The following RALGAPA2 variants were observed in gnomAD, a reference collection of about 807,000 sequenced individuals.
RALGAPA2 encodes the protein ral GTPase-activating protein subunit alpha-2.
RALGAPA2 carries 139 observed loss-of-function variants against 230.4 expected under a neutral mutation model. The observed-to-expected ratio is 0.60, with a 90% CI of 0.53 to 0.69. The LOEUF (loss-of-function observed/expected upper bound fraction) is 0.69. RALGAPA2 is among the 30% of genes least tolerant of loss of function. The pLI, the probability that RALGAPA2 is intolerant of heterozygous loss-of-function variation, is 0.00. For synonymous variants in RALGAPA2, 847 were observed against 837.8 expected, an observed-to-expected ratio of 1.01 and a Z score of -0.19; for missense variants, 2,163 against 2,276.0, an observed-to-expected ratio of 0.95 and a Z score of 1.01.
At chr20:20,518,921 A>G (rs2062955092) in intron 31 of RALGAPA2, among the ~76,000 whole-genome samples, 1 of 152,244 alleles carries the variant, frequency 6.6e-6, no homozygotes, top group African/African-American at 2.4e-5. Flanking sequence ...AGTTGTTTCA[A>G]TTACTTAATA....
chr20:20,608,421 A>G (rs1193683259), intron 14 of RALGAPA2, among the ~76,000 whole-genome samples: 1 of 152,218 alleles, frequency 6.6e-6, no homozygotes, highest in Admixed American at 6.5e-5. Flanking sequence ...TATTTGGTAA[A>G]TATTTAAAAC....
At chr20:20,502,844 G>T (rs1019595829) in intron 35 of RALGAPA2, among the ~76,000 whole-genome samples, 1 of 152,184 alleles carries the variant, frequency 6.6e-6, no homozygotes, top group Non-Finnish European at 1.5e-5. Flanking sequence ...TTAACACAGG[G>T]TTGCCTGAGG....
Position 20,503,381 on chromosome 20 carries a change from C to G in RALGAPA2, c.5178G>C (p.Pro1726=). The G allele has an allele frequency of 6.2e-7, 1 of 1,601,134 alleles. No individual in the cohort carries two copies. Among genetic ancestry groups the G allele is most frequent in the South Asian group, 1.1e-5 (1 of 89,808 alleles). ...EVIFHVSTRM[P]SDSDDSLTKK... is the part of the protein sequence containing the mutation. ...TGGTGAGGGAATCATCTGAGTCTGACGGCATTCGAGTGGAAACATGGAAAA... is the reference window on the plus strand; with the variant it reads ...TGGTGAGGGAATCATCTGAGTCTGAGGGCATTCGAGTGGAAACATGGAAAA... Residue 1726 remains proline, a synonymous_variant, in exon 35 of 40, where the codon CCG becomes CCC. Transcript: ENST00000202677.
At chr20:20,578,169 T>A (rs73124429) in intron 20 of RALGAPA2, among the ~76,000 whole-genome samples, 2,005 of 152,254 alleles carry the variant, frequency 0.013, 18 homozygotes, top group Non-Finnish European at 0.019. Flanking sequence ...TCCTCAGTAT[T>A]ACTATGAACA....
chr20:20,635,504 TC>T lies in RALGAPA2; in HGVS notation c.918del (p.Trp306Ter). 1 of 1,598,012 alleles carries T rather than the reference TC, an allele frequency of 6.3e-7. No individual in the cohort carries two copies. The highest frequency in any genetic ancestry group is 8.5e-7 in the Non-Finnish European group (1 of 1,173,970). Reference protein sequence around the residue: ...YMAARVVFIKWIVTFFLEKKY... With the variant: ...YMAARVVFIKXIVTFFLEKKY... ...TTTTTTTCCAAAAAGAAGGTTACAA[TC>T]CACTTAATAAAAACAACACGAGCTG... On this transcript the variant is annotated frameshift_variant, in exon 9 of 40. Transcript: ENST00000202677. LOFTEE classifies it high-confidence loss of function.
chr20:20,704,711 G>A (rs2069526174), intron 1 of RALGAPA2, among the ~76,000 whole-genome samples: 1 of 152,196 alleles, frequency 6.6e-6, no homozygotes, highest in South Asian at 2.1e-4. Context: ...AAATCTCAGA[G>A]GAGAATGGGA....
At chr20:20,673,646 G>A (rs990190356) in intron 3 of RALGAPA2, among the ~76,000 whole-genome samples, 3 of 152,038 alleles carry the variant, frequency 2.0e-5, no homozygotes, top group Admixed American at 6.6e-5. Flanking sequence ...TGAATGAGTG[G>A]TTAAAATCTT....
chr20:20,490,542 G>T (rs1340544440), intron 36 of RALGAPA2, among the ~76,000 whole-genome samples: 4 of 152,154 alleles, frequency 2.6e-5, no homozygotes, highest in African/African-American at 7.2e-5. Context: ...TAAAGGGCAT[G>T]ATTTAATCTT....
chr20:20,469,706 C>T (rs939860271), intron 37 of RALGAPA2, among the ~76,000 whole-genome samples: 8 of 152,172 alleles, frequency 5.3e-5, no homozygotes, highest in Non-Finnish European at 8.8e-5. Context: ...GAATGAAAAC[C>T]TTGGCTCAAA....
intron 26 of RALGAPA2, among the ~76,000 whole-genome samples, chr20:20,532,434 G>A (rs1425447305): frequency 6.6e-6 from 1 of 152,120 alleles, no homozygotes; most frequent in Non-Finnish European, 1.5e-5. Flanking sequence ...AAGACTTGAT[G>A]GTTTAGATGC....
In RALGAPA2 at chr20:20,628,769, C is replaced by A. The variant is rs149025986; in HGVS notation, c.1233+594G>T. On this transcript the variant is annotated intron_variant, in intron 10 of 39. Coordinates refer to ENST00000202677, the MANE Select transcript of RALGAPA2 (RefSeq NM_020343.4). ...TGCAAACCTCTGATGTCACTCACGG[C>A]CACTAACCGTAGCCTGGGCTTCTGA... Among the ~76,000 whole-genome samples the A allele has an allele frequency of 9.8e-4, 149 of 152,322 alleles. 1 individual carries two copies. Among genetic ancestry groups the A allele is most frequent in the African/African-American group, 3.2e-3 (133 of 41,580 alleles).
At chr20:20,625,056 C>G (rs576128483) in intron 10 of RALGAPA2, among the ~76,000 whole-genome samples, 2 of 152,250 alleles carry the variant, frequency 1.3e-5, no homozygotes, top group Admixed American at 6.5e-5. Context: ...TGCTTTTCTG[C>G]CTGCCTGCCT....
intron 31 of RALGAPA2, among the ~76,000 whole-genome samples, chr20:20,515,514 G>A (rs903912808): frequency 3.9e-5 from 6 of 152,206 alleles, no homozygotes; most frequent in African/African-American, 9.7e-5. Context: ...AGTGTCAGTC[G>A]GGGGAGACTA....
chr20:20,591,034 T>A (rs1381084008), intron 17 of RALGAPA2, 143 bp downstream of exon 17: 37 of 996,414 alleles, frequency 3.7e-5, no homozygotes, highest in Non-Finnish European at 4.9e-5. Flanking sequence ...TTGCCATAAA[T>A]CACATCCTTC....
At position 20,635,431 on chromosome 20, in the gene RALGAPA2, G is replaced by A. The variant is rs6112960; in HGVS notation, c.992C>T (p.Pro331Leu). 1 of 1,598,018 alleles carries A rather than the reference G, an allele frequency of 6.3e-7. No individual in the cohort carries two copies. Among genetic ancestry groups the A allele is most frequent in the South Asian group, 1.1e-5 (1 of 87,810 alleles). Reference sequence around the variant, plus strand: ...TGGATGGCATACCTGGATGATTTTAGGCAATACATCAACTCCATTTTTAGT... The same window carrying A: ...TGGATGGCATACCTGGATGATTTTAAGCAATACATCAACTCCATTTTTAGT... ...QNTKNGVDVL[P>L]KIIQTVGGGA... The change falls in exon 9 of 40, where the codon CCT becomes CTT. Residue 331 changes from proline to leucine, a missense_variant. Pro to Leu is a moderately conservative substitution (Grantham distance 98). Coordinates refer to ENST00000202677, the MANE Select transcript of RALGAPA2 (RefSeq NM_020343.4).
rs2059595986 is a variant in RALGAPA2 at position 20,391,131 on chromosome 20, T to A, written c.*2158A>T. ...AAACGTTCTCCCAGAGGCGACCTGCTGGTAGAGACCTACAGGGGACTCTGG... is the reference window on the plus strand; with the variant it reads ...AAACGTTCTCCCAGAGGCGACCTGCAGGTAGAGACCTACAGGGGACTCTGG... On this transcript the variant is annotated 3_prime_UTR_variant, in exon 40 of 40. Coordinates refer to ENST00000202677, the MANE Select transcript of RALGAPA2 (RefSeq NM_020343.4). The A allele has an allele frequency of 6.6e-6, 1 of 152,202 alleles. No individual in the cohort carries two copies. The highest frequency in any genetic ancestry group is 6.5e-5 in the Admixed American group (1 of 15,282). 9.4% of individuals were successfully genotyped at this position (152,202 alleles called of 1,614,324 possible).
rs181005425 is a variant in RALGAPA2 at position 20,524,830 on chromosome 20, C to T, written c.3762G>A (p.Lys1254=). ...AAAACTTAGTTAATGTGCCACCTAC[C>T]TTCTTGTCTGTTTCCACTGAGGAGT... is the stretch of plus-strand genomic sequence containing the variant. ...AEYSSVETDK[K]FIVSLLLCLL... is the part of the protein sequence containing the mutation. Residue 1254 remains lysine (K), a splice_region_variant and synonymous_variant, in exon 29 of 40, where the codon AAG becomes AAA. Coordinates refer to ENST00000202677, the MANE Select transcript of RALGAPA2 (RefSeq NM_020343.4). 1.3e-6 allele frequency: 2 copies of T among 1,596,368 alleles called. No individual in the cohort carries two copies. Among genetic ancestry groups the T allele is most frequent in the Non-Finnish European group, 1.7e-6 (2 of 1,173,834 alleles).
chr20:20,692,331 C>A (rs1053493732), intron 1 of RALGAPA2, among the ~76,000 whole-genome samples: 2 of 152,076 alleles, frequency 1.3e-5, no homozygotes, highest in Non-Finnish European at 2.9e-5. Flanking sequence ...TCATAACTGA[C>A]CATTTATTTC....
chr20:20,645,026 G>C (rs2067160128), intron 4 of RALGAPA2, among the ~76,000 whole-genome samples: 1 of 151,298 alleles, frequency 6.6e-6, no homozygotes, highest in South Asian at 2.1e-4. Flanking sequence ...CTTTCTCCTG[G>C]TCATTGTGTG....
Sources: allele counts gnomAD v4.1 joint callset (sites outside exome capture counted in the v4.1 genomes callset), GRCh38; gene constraint gnomAD v4.1.1; transcripts MANE v1.5; gene names NCBI Gene and HGNC (gene_info 2026-07-23, HGNC 2026-07-21).